The following PCDH15 variants were observed in gnomAD, a reference collection of about 807,000 sequenced individuals.
PCDH15 encodes the protein protocadherin-15.
PCDH15 carries 129 observed loss-of-function variants against 178.5 expected under a neutral mutation model. The ratio of observed to expected loss-of-function variants is 0.72; its 90% confidence interval spans 0.63 to 0.84. PCDH15 has a LOEUF of 0.84. PCDH15 is among the 40% of genes least tolerant of loss of function. The pLI is 0.00. For missense variants in PCDH15, 2,230 were observed against 2,099.9 expected (o/e 1.06, Z -1.21); for synonymous variants, 800 against 732.0 (o/e 1.09, Z -1.50).
At chr10:54,267,068 A>G (rs995529999) in intron 8 of PCDH15, among the ~76,000 whole-genome samples, 2 of 152,002 alleles carry the variant, frequency 1.3e-5, no homozygotes, top group Non-Finnish European at 2.9e-5. Flanking sequence ...CAGCACATCA[A>G]AAAGATAATA....
chr10:55,177,621 C>A (rs143024511), intron 1 of PCDH15, among the ~76,000 whole-genome samples: 1 of 152,176 alleles, frequency 6.6e-6, no homozygotes, highest in African/African-American at 2.4e-5. Flanking sequence ...TGTGGCAGGA[C>A]TGCTGTCTTC....
intron 3 of PCDH15, among the ~76,000 whole-genome samples, chr10:54,806,808 A>T (rs1688305393): frequency 6.6e-6 from 1 of 151,880 alleles, no homozygotes; most frequent in South Asian, 2.1e-4. Flanking sequence ...AGGCTTAAGG[A>T]CTCTTGGCTG....
At chr10:54,585,620 T>G (rs1246263991) in intron 2 of PCDH15, 4 of 173,030 alleles carry the variant, frequency 2.3e-5, no homozygotes, top group Non-Finnish European at 3.9e-5. Flanking sequence ...ATGTGTTTTT[T>G]TTTTTTTTAA....
chr10:55,253,452 T>C (rs1052418330), intron 1 of PCDH15, among the ~76,000 whole-genome samples: 1 of 152,204 alleles, frequency 6.6e-6, no homozygotes, highest in Non-Finnish European at 1.5e-5. Flanking sequence ...TCATTCAAGC[T>C]TATAATTTAA....
chr10:53,925,855 T>A (rs928369293), intron 25 of PCDH15, among the ~76,000 whole-genome samples: 15 of 152,230 alleles, frequency 9.9e-5, no homozygotes, highest in African/African-American at 3.6e-4. Context: ...GTTTTCTCAC[T>A]TAAGCCTCAT....
intron 2 of PCDH15, among the ~76,000 whole-genome samples, chr10:55,052,670 C>T (rs1327866789): frequency 6.6e-6 from 1 of 150,712 alleles, no homozygotes; most frequent in Non-Finnish European, 1.5e-5. Context: ...GAGCCGAGAT[C>T]GTGCCACTGC....
chr10:54,868,085 C>T (rs34764640), intron 3 of PCDH15, among the ~76,000 whole-genome samples: 1 of 152,032 alleles, frequency 6.6e-6, no homozygotes, highest in Non-Finnish European at 1.5e-5. Context: ...TAAGTATATA[C>T]AAATTTTATT....
intron 1 of PCDH15, among the ~76,000 whole-genome samples, chr10:55,200,715 G>T (rs1840221155): frequency 6.6e-6 from 1 of 152,048 alleles, no homozygotes; most frequent in Admixed American, 6.5e-5. Context: ...GGTGGGAGTT[G>T]ACTGGATTAT....
At chr10:53,833,401 C>T (rs1485713713) in intron 29 of PCDH15, among the ~76,000 whole-genome samples, 1 of 152,038 alleles carries the variant, frequency 6.6e-6, no homozygotes, top group African/African-American at 2.4e-5. Flanking sequence ...ACTTTTGAAC[C>T]CACACCTGAT....
At chr10:54,918,629 G>T (rs1212178986) in intron 2 of PCDH15, among the ~76,000 whole-genome samples, 1 of 151,996 alleles carries the variant, frequency 6.6e-6, no homozygotes, top group Non-Finnish European at 1.5e-5. Context: ...ACCAGCATGA[G>T]CCATATTAAA....
At position 54,339,488 on chromosome 10, in the gene PCDH15, G is replaced by A. The variant is rs927210580; in HGVS notation, c.594+6877C>T. ...TGTCCAGTACATATTTTTACATATTGTCTACTACCAAGTTCCAACAGATAA... is the reference window on the plus strand; with the variant it reads ...TGTCCAGTACATATTTTTACATATTATCTACTACCAAGTTCCAACAGATAA... On this transcript the variant is annotated intron_variant, in intron 6 of 37. Coordinates refer to ENST00000644397, the MANE Select transcript of PCDH15 (RefSeq NM_001384140.1). 2.6e-5 allele frequency among the ~76,000 whole-genome samples: 4 copies of A among 152,112 alleles called. No individual in the cohort carries two copies. The South Asian group carries it at 6.2e-4, about 24-fold the overall frequency.
At chr10:54,633,808 A>G (rs1565807550) in intron 2 of PCDH15, among the ~76,000 whole-genome samples, 1 of 152,116 alleles carries the variant, frequency 6.6e-6, no homozygotes, top group African/African-American at 2.4e-5. Context: ...CTATGGAGAG[A>G]TCTCTCTGCA....
intron 2 of PCDH15, among the ~76,000 whole-genome samples, chr10:55,549,183 C>T (rs976150277): frequency 1.3e-5 from 2 of 151,738 alleles, no homozygotes; most frequent in African/African-American, 2.4e-5. Flanking sequence ...TTTTTTCCCC[C>T]CCAGCAAATG....
intron 28 of PCDH15, among the ~76,000 whole-genome samples, chr10:53,843,036 A>T (rs1176849966): frequency 3.9e-5 from 6 of 152,038 alleles, no homozygotes; most frequent in Non-Finnish European, 7.4e-5. Flanking sequence ...CATTTCACTA[A>T]AAAAAATAGA....
At chr10:54,316,464 A>T (rs986689713) in intron 8 of PCDH15, among the ~76,000 whole-genome samples, 4 of 152,068 alleles carry the variant, frequency 2.6e-5, no homozygotes, top group African/African-American at 9.7e-5. Context: ...CCAGGGAAAT[A>T]GCAAAAATAC....
intron 1 of PCDH15, among the ~76,000 whole-genome samples, chr10:55,198,529 C>G (rs188027416): frequency 6.6e-6 from 1 of 152,194 alleles, no homozygotes; most frequent in Non-Finnish European, 1.5e-5. Flanking sequence ...CCCTGTCGCC[C>G]AAGCTGGAGA....
intron 1 of PCDH15, among the ~76,000 whole-genome samples, chr10:54,712,086 C>T (rs1189949430): frequency 6.6e-6 from 1 of 151,834 alleles, no homozygotes; most frequent in African/African-American, 2.4e-5. Context: ...CCCTGAGGCA[C>T]TCCTAAATTT....
At chr10:54,744,401 T>C (rs1026989159) in intron 1 of PCDH15, among the ~76,000 whole-genome samples, 7 of 152,066 alleles carry the variant, frequency 4.6e-5, no homozygotes, top group African/African-American at 1.7e-4. Flanking sequence ...GAATAATCTG[T>C]TAAACAAATA....
chr10:53,909,804 A>C (rs1433536854), intron 25 of PCDH15, among the ~76,000 whole-genome samples: 3 of 152,254 alleles, frequency 2.0e-5, no homozygotes, highest in Non-Finnish European at 2.9e-5. Context: ...GTGCCACCCA[A>C]ATGCTGCGCT....
Sources: gnomAD v4.1 joint callset for allele counts (sites outside exome capture counted in the v4.1 genomes callset) on GRCh38, gnomAD v4.1.1 for gene constraint, MANE v1.5 for transcripts, NCBI Gene and HGNC (gene_info 2026-07-23, HGNC 2026-07-21) for gene names.